SH2B2: variants seen among roughly 807,000 people sequenced by gnomAD.
SH2B2 encodes the protein SH2B adapter protein 2.
SH2B2 carries 37 observed loss-of-function variants against 35.7 expected under a neutral mutation model. That is an observed-to-expected ratio of 1.04 (90% CI 0.80 to 1.36). SH2B2 has a LOEUF of 1.36. Among genes scored for constraint, SH2B2 ranks in the 40% most tolerant of loss-of-function variants. The probability of loss-of-function intolerance (pLI) is 0.00; values close to 1 mark genes in which losing one functional copy is unlikely to be tolerated. For synonymous variants in SH2B2, 383 were observed against 376.4 expected (o/e 1.02, Z -0.20); for missense variants, 852 against 817.7 (o/e 1.04, Z -0.51).
At chr7:102,310,754 G>A (rs910478756) in intron 4 of SH2B2, among the ~76,000 whole-genome samples, 8 of 152,158 alleles carry the variant, frequency 5.3e-5, no homozygotes, top group East Asian at 3.8e-4. Flanking sequence ...ACCGCCCTCC[G>A]GACCATCTGC....
upstream of SH2B2, among the ~76,000 whole-genome samples, chr7:102,286,070 C>G (rs1397274111): frequency 6.6e-6 from 1 of 152,238 alleles, no homozygotes; most frequent in African/African-American, 2.4e-5. Flanking sequence ...GGTCTCTGCC[C>G]TAAAGCAGGC....
chr7:102,291,235 G>T (rs966427621), intron 1 of SH2B2, among the ~76,000 whole-genome samples: 7 of 152,254 alleles, frequency 4.6e-5, no homozygotes, highest in Admixed American at 4.6e-4. Flanking sequence ...TCAAGCTTGG[G>T]ATGTCTGCAA....
At chr7:102,305,357 C>T (rs1047718965) in intron 2 of SH2B2, among the ~76,000 whole-genome samples, 4 of 152,122 alleles carry the variant, frequency 2.6e-5, no homozygotes, top group African/African-American at 9.7e-5. Context: ...CCTCCACCTC[C>T]CGGGTTCAAG....
chr7:102,306,571 C>G, intron 2 of SH2B2, 150 bp from the exon 3 acceptor site: 4 of 637,766 alleles, frequency 6.3e-6, no homozygotes, highest in Non-Finnish European at 8.5e-6. Flanking sequence ...CTCAGCTTCC[C>G]CCTCTGTGAA....
intron 2 of SH2B2, among the ~76,000 whole-genome samples, chr7:102,305,252 T>A (rs954440994): frequency 9.9e-5 from 15 of 151,826 alleles, no homozygotes; most frequent in South Asian, 2.1e-4. Context: ...ATTTTTTATT[T>A]TTTTATTTTA....
At position 102,297,698 on chromosome 7, in the gene SH2B2, C is replaced by A. The variant is rs572661283; in HGVS notation, c.-29-2824C>A. 2.8e-4 allele frequency among the ~76,000 whole-genome samples: 42 copies of A among 152,192 alleles called. No homozygotes were observed. The highest frequency in any genetic ancestry group is 1.0e-3 in the African/African-American group (42 of 41,530). On this transcript the variant is annotated intron_variant, in intron 1 of 8. Transcript: ENST00000444095. This position sits in a 1 kb window ranked among gnomAD's most constrained non-coding sequence, Gnocchi z 4.3. The stretch of plus-strand genomic sequence containing the variant: ...AAACTCATTCATTTGTTCATTCAGT[C>A]AGTGTTTCCCAAGCGCCTGCTGTAT...
intron 4 of SH2B2, among the ~76,000 whole-genome samples, 200 bp from the exon 5 acceptor site, chr7:102,314,136 T>C (rs1793727818): frequency 6.6e-6 from 1 of 152,090 alleles, no homozygotes; most frequent in Non-Finnish European, 1.5e-5. Flanking sequence ...GCCCCAACAG[T>C]GGCCTGGTCA....
intron 7 of SH2B2, among the ~76,000 whole-genome samples, chr7:102,319,423 T>C (rs1793972508): frequency 6.6e-6 from 1 of 152,190 alleles, no homozygotes; most frequent in Middle Eastern, 3.4e-3. Flanking sequence ...TTTTAAAGGG[T>C]TGGGGGGTAT....
chr7:102,291,236 AT>A, intron 1 of SH2B2, among the ~76,000 whole-genome samples: 1 of 152,198 alleles, frequency 6.6e-6, no homozygotes, highest in East Asian at 1.9e-4. Flanking sequence ...CAAGCTTGGG[AT>A]GTCTGCAAAA....
At chr7:102,309,174 G>A in intron 4 of SH2B2, 1 of 580,742 alleles carries the variant, frequency 1.7e-6, no homozygotes, top group South Asian at 1.5e-5. Context: ...CACCCCAAGA[G>A]AGCCTCAGAG....
At position 102,321,454 on chromosome 7, in the gene SH2B2, T is replaced by A; in HGVS notation, c.1723T>A (p.Ser575Thr). The A allele has an allele frequency of 8.1e-7, 1 of 1,237,636 alleles. No individual in the cohort carries two copies. The highest frequency in any genetic ancestry group is 1.0e-6 in the Non-Finnish European group (1 of 987,014). The allele number at this position is 1,237,636 out of a possible 1,614,324, so 76.7% of individuals were successfully genotyped here. Residue 575 changes from serine to threonine, a missense_variant, in exon 9 of 9, where the codon TCT (serine) becomes ACT (threonine). Ser to Thr is a moderately conservative substitution (Grantham distance 58, BLOSUM62 1). Coordinates refer to ENST00000444095, the MANE Select transcript of SH2B2 (RefSeq NM_001359228.2). ...CTCCTCGTCTTCCGCCTCGTCGTCC[T>A]CTGCCGCGTCGGGGCCCGCCCCCCC... Reference protein sequence around the residue: ...GASSSSASSSSAASGPAPPRP... With the variant: ...GASSSSASSSTAASGPAPPRP...
At chr7:102,294,944 C>A (rs1323017254) in intron 1 of SH2B2, among the ~76,000 whole-genome samples, 1 of 152,164 alleles carries the variant, frequency 6.6e-6, no homozygotes, top group Non-Finnish European at 1.5e-5. Context: ...CAGGGCAGTC[C>A]CAACCTCCCA....
intron 1 of SH2B2, among the ~76,000 whole-genome samples, chr7:102,294,340 T>A (rs891164062): frequency 5.3e-5 from 8 of 152,118 alleles, no homozygotes; most frequent in African/African-American, 1.4e-4. Context: ...AAGAGAGGGT[T>A]TTGCACGGTC....
intron 4 of SH2B2, 113 bp downstream of exon 4, chr7:102,309,019 A>G: frequency 1.2e-6 from 1 of 829,084 alleles, no homozygotes; most frequent in Non-Finnish European, 2.1e-6. Flanking sequence ...GAAATGAGCA[A>G]TTCAATGCGA....
chr7:102,306,855 C>T (rs781886586), intron 3 of SH2B2, 33 bp downstream of exon 3: 5 of 1,499,130 alleles, frequency 3.3e-6, no homozygotes, highest in Non-Finnish European at 4.6e-6. Flanking sequence ...AGAGATCCTC[C>T]AGCTGCCCCA....
In SH2B2 at chr7:102,317,352, C is replaced by T. The variant is rs781849345; in HGVS notation, c.1352C>T (p.Pro451Leu). 4.4e-6 allele frequency: 7 copies of T among 1,606,830 alleles called. No homozygotes were observed. The South Asian group carries it at 5.5e-5, about 13-fold the overall frequency. Residue 451 changes from proline to leucine, a missense_variant, in exon 7 of 9, where the codon CCT (proline) becomes CTT (leucine). Physicochemically the swap from Pro to Leu is moderately conservative, Grantham distance 98. Transcript: ENST00000444095. ...LFVIRQSETRPGEYVLTFNFQ... is the reference protein window; with the variant it reads ...LFVIRQSETRLGEYVLTFNFQ... The stretch of plus-strand genomic sequence containing the variant: ...GTGATCCGCCAAAGTGAGACTCGGC[C>T]TGGGGAGTACGTGCTGACCTTCAAC...
At chr7:102,302,917 C>CA (rs1200498015) in intron 2 of SH2B2, among the ~76,000 whole-genome samples, 1 of 151,872 alleles carries the variant, frequency 6.6e-6, no homozygotes, top group Admixed American at 6.6e-5. Context: ...GACCCTATCT[C>CA]AAAAAACCAA....
chr7:102,315,642 C>T (rs1554556813), intron 6 of SH2B2, among the ~76,000 whole-genome samples: 1 of 148,556 alleles, frequency 6.7e-6, no homozygotes, highest in Non-Finnish European at 1.5e-5. Flanking sequence ...CTTGGGAGGC[C>T]GAGGTGGGAG....
Position 102,290,637 on chromosome 7 carries a change from C to T in SH2B2, c.-30+3543C>T, listed in dbSNP as rs377323375. Among the ~76,000 whole-genome samples, 7 of 152,284 alleles carry T rather than the reference C, an allele frequency of 4.6e-5. No homozygotes were observed. In the South Asian group the frequency reaches 1.0e-3, roughly 23 times the overall value. The stretch of plus-strand genomic sequence containing the variant: ...GACACACAGTGGGAGCTCACCACTG[C>T]GTGGTGGCCAGAGCATGGTGGGTAG... On this transcript the variant is annotated intron_variant, in intron 1 of 8. Coordinates refer to ENST00000444095, the MANE Select transcript of SH2B2 (RefSeq NM_001359228.2).
Sources: gnomAD v4.1 joint callset for allele counts (sites outside exome capture counted in the v4.1 genomes callset) on GRCh38, gnomAD v4.1.1 for gene constraint, Gnocchi (gnomAD v3.1) non-coding constraint, MANE v1.5 for transcripts, NCBI Gene and HGNC (gene_info 2026-07-23, HGNC 2026-07-21) for gene names.